HPN: variants seen among roughly 807,000 people sequenced by gnomAD.
HPN encodes serine protease hepsin.
In HPN, 13 loss-of-function variants were observed where a neutral mutation model predicts 55.9. That is an observed-to-expected ratio of 0.23 (90% CI 0.15 to 0.37). HPN has a LOEUF of 0.37. HPN is among the 10% of genes least tolerant of loss of function. HPN has a pLI of 1.00. For synonymous variants in HPN, 225 were observed against 240.3 expected (o/e 0.94, Z 0.59); for missense variants, 451 against 575.8 (o/e 0.78, Z 2.22).
intron 1 of HPN, 104 bp downstream of exon 1, chr19:35,041,976 G>A (rs2064298768): frequency 8.4e-7 from 1 of 1,196,760 alleles, no homozygotes; most frequent in African/African-American, 1.6e-5. Flanking sequence ...GGGGTTCCTG[G>A]GGACCTGAAG....
chr19:35,066,558 A>C lies in HPN; in HGVS notation c.*271A>C. On this transcript the variant is annotated 3_prime_UTR_variant, in exon 13 of 13. Coordinates refer to ENST00000672452, the MANE Select transcript of HPN (RefSeq NM_001384133.1). ...TGACGGGATGCTCTTTAAATAATAA[A>C]GATGGTTTTGATTAATGTGGCCTCC... The C allele has an allele frequency of 1.9e-6, 1 of 515,702 alleles. No homozygotes were observed. The highest frequency in any genetic ancestry group is 3.0e-5 in the South Asian group (1 of 33,364). 31.9% of individuals were successfully genotyped at this position (515,702 alleles called of 1,614,324 possible). A position where few individuals can be genotyped will look rare whatever the true frequency, so the allele number is the denominator to read the frequency against.
At chr19:35,060,021 G>A (rs1326960415) in intron 6 of HPN, 25 bp downstream of exon 6, 2 of 1,606,074 alleles carry the variant, frequency 1.2e-6, no homozygotes, top group Non-Finnish European at 1.7e-6. Context: ...GGGCAGGTGG[G>A]GCAACACCTC....
At chr19:35,054,753 G>A (rs971507976) in intron 4 of HPN, among the ~76,000 whole-genome samples, 2 of 152,132 alleles carry the variant, frequency 1.3e-5, no homozygotes, top group African/African-American at 4.8e-5. Context: ...GATGATCTTC[G>A]TGGCTCCTGG....
intron 4 of HPN, among the ~76,000 whole-genome samples, chr19:35,053,659 C>T (rs2064426710): frequency 2.0e-5 from 3 of 152,316 alleles, no homozygotes; most frequent in Admixed American, 6.5e-5. Context: ...GCATGAGAAT[C>T]GCTTGAACTC....
At chr19:35,059,491 A>AG in intron 4 of HPN, 182 bp from the exon 5 acceptor site, 1 of 791,842 alleles carries the variant, frequency 1.3e-6, no homozygotes, top group East Asian at 2.7e-5. Flanking sequence ...TTAAAAAAAA[A>AG]AAGTCCTTGA....
chr19:35,048,202 C>T (rs1336092857), intron 2 of HPN, among the ~76,000 whole-genome samples: 2 of 152,144 alleles, frequency 1.3e-5, no homozygotes, highest in Non-Finnish European at 2.9e-5. Context: ...TTGCTATGTG[C>T]CAGGCACTTC....
Position 35,049,351 on chromosome 19 carries a change from G to C in HPN, c.78G>C (p.Leu26=). The C allele has an allele frequency of 6.2e-7, 1 of 1,602,844 alleles. No individual in the cohort carries two copies. Among genetic ancestry groups the C allele is most frequent in the Non-Finnish European group, 8.5e-7 (1 of 1,173,156 alleles). The change falls in exon 3 of 13, where the codon CTG becomes CTC. Residue 26 remains leucine, a synonymous_variant. Transcript: ENST00000672452. ...PKVAALTAGT[L]LLLTAIGAAS... ...TGGCAGCTCTCACTGCGGGGACCCT[G>C]CTACTTCTGACAGCCATCGGGGCGG...
chr19:35,056,532 T>C (rs1171112408), intron 4 of HPN, among the ~76,000 whole-genome samples: 1 of 152,192 alleles, frequency 6.6e-6, no homozygotes, highest in East Asian at 1.9e-4. Context: ...AGGGGACATC[T>C]GTTCTCACCA....
At chr19:35,049,183 G>A (rs1175014570) in intron 2 of HPN, 107 bp from the exon 3 acceptor site, 10 of 703,214 alleles carry the variant, frequency 1.4e-5, no homozygotes, top group Admixed American at 3.0e-5. Context: ...GGACATGCTT[G>A]GGCATAATAA....
chr19:35,059,484 A>T, intron 4 of HPN, 189 bp from the exon 5 acceptor site: 2 of 749,218 alleles, frequency 2.7e-6, no homozygotes, highest in Non-Finnish European at 4.6e-6. Context: ...CCTGTCTTTA[A>T]AAAAAAAAAG....
chr19:35,045,464 C>T (rs545676450), intron 2 of HPN, among the ~76,000 whole-genome samples: 23 of 152,178 alleles, frequency 1.5e-4, no homozygotes, highest in Non-Finnish European at 2.9e-4. Context: ...AAAGGTGTTA[C>T]GCGTGGGGGT....
intron 4 of HPN, among the ~76,000 whole-genome samples, chr19:35,053,871 G>T (rs2064428917): frequency 1.3e-5 from 2 of 152,060 alleles, no homozygotes; most frequent in African/African-American, 4.8e-5. Context: ...AGCCAGAGGT[G>T]CCAGGCGTTC....
upstream of HPN, among the ~76,000 whole-genome samples, chr19:35,040,724 G>C (rs2064284615): frequency 6.6e-6 from 1 of 152,166 alleles, no homozygotes; most frequent in East Asian, 1.9e-4. Flanking sequence ...GTGAGTCTCT[G>C]GAGAGGTGGG....
rs947255922 is a variant in HPN at position 35,059,469 on chromosome 19, G to A, written c.161-204G>A. 6 of 714,864 alleles carry A rather than the reference G, an allele frequency of 8.4e-6. No homozygotes were observed. In the African/African-American group the frequency reaches 8.7e-5, roughly 10 times the overall value. The allele number at this position is 714,864 out of a possible 1,614,324, so 44.3% of individuals were successfully genotyped here. A position where few individuals can be genotyped will look rare whatever the true frequency, so the allele number is the denominator to read the frequency against. ...TACACTCCAGCCTGGGCAACAGAGC[G>A]AGACCCTGTCTTTAAAAAAAAAAAG... On this transcript the variant is annotated intron_variant, in intron 4 of 12. Coordinates refer to ENST00000672452, the MANE Select transcript of HPN (RefSeq NM_001384133.1).
intron 2 of HPN, among the ~76,000 whole-genome samples, chr19:35,044,444 G>C (rs372781261): frequency 6.6e-6 from 1 of 152,206 alleles, no homozygotes; most frequent in Non-Finnish European, 1.5e-5. Context: ...GTTGAGCTGG[G>C]TGGGAGAAGA....
intron 2 of HPN, among the ~76,000 whole-genome samples, chr19:35,047,666 G>A (rs911965217): frequency 6.6e-6 from 1 of 152,054 alleles, no homozygotes; most frequent in Admixed American, 6.6e-5. Context: ...ATGTTCAGTA[G>A]GATGGTAAAC....
At position 35,065,805 on chromosome 19, in the gene HPN, C is replaced by G; in HGVS notation, c.1051-63C>G. ...GCTCTGGGGCCACAGCCCATGTCATCCCGGGGTGGGCCTCCTGTCCAACCA... is the reference window on the plus strand; with the variant it reads ...GCTCTGGGGCCACAGCCCATGTCATGCCGGGGTGGGCCTCCTGTCCAACCA... On this transcript the variant is annotated intron_variant, in intron 11 of 12. Coordinates refer to ENST00000672452, the MANE Select transcript of HPN (RefSeq NM_001384133.1). 5 of 1,516,348 alleles carry G rather than the reference C, an allele frequency of 3.3e-6. No individual in the cohort carries two copies. The South Asian group carries it at 5.7e-5, about 17-fold the overall frequency. 93.9% of individuals were successfully genotyped at this position (1,516,348 alleles called of 1,614,324 possible). A position where few individuals can be genotyped will look rare whatever the true frequency, so the allele number is the denominator to read the frequency against.
intron 9 of HPN, among the ~76,000 whole-genome samples, chr19:35,062,620 A>G (rs1437332201): frequency 6.6e-6 from 1 of 152,086 alleles, no homozygotes; most frequent in Non-Finnish European, 1.5e-5. Context: ...AATAATAATA[A>G]AAATAGGCTG....
chr19:35,065,806 C>G, intron 11 of HPN, 62 bp from the exon 12 acceptor site: 2 of 1,516,564 alleles, frequency 1.3e-6, no homozygotes, highest in Non-Finnish European at 1.8e-6. Flanking sequence ...CCATGTCATC[C>G]CGGGGTGGGC....
Sources: allele counts gnomAD v4.1 joint callset (sites outside exome capture counted in the v4.1 genomes callset), GRCh38; gene constraint gnomAD v4.1.1; transcripts MANE v1.5; gene names NCBI Gene and HGNC (gene_info 2026-07-23, HGNC 2026-07-21).